The following SPRED2 variants were observed in gnomAD, a reference collection of about 807,000 sequenced individuals.
SPRED2 encodes the protein sprouty-related, EVH1 domain-containing protein 2.
A neutral mutation model predicts 43.0 loss-of-function variants in SPRED2; 47 were observed. The ratio of observed to expected loss-of-function variants is 1.09; its 90% CI spans 0.87 to 1.40. SPRED2 has a LOEUF of 1.40. Among genes scored for constraint, SPRED2 ranks in the 40% most tolerant of loss-of-function variants. The pLI, the probability that SPRED2 is intolerant of heterozygous loss-of-function variation, is 0.00. For missense variants in SPRED2, 561 were observed against 586.4 expected, an observed-to-expected ratio of 0.96 and a Z score of 0.45; for synonymous variants, 225 against 225.7, an observed-to-expected ratio of 1.00 and a Z score of 0.03.
At chr2:65,384,276 C>G in intron 1 of SPRED2, among the ~76,000 whole-genome samples, 1 of 152,042 alleles carries the variant, frequency 6.6e-6, no homozygotes, top group East Asian at 1.9e-4. Context: ...TCCAGTGCCC[C>G]TTTCTCCCAA....
chr2:65,366,044 A>ACAAT (rs1306017459), intron 1 of SPRED2, among the ~76,000 whole-genome samples: 22 of 151,904 alleles, frequency 1.4e-4, no homozygotes, highest in Non-Finnish European at 4.4e-5. Flanking sequence ...AAACAAACAA[A>ACAAT]CAAACAAACA....
chr2:65,313,639 C>T lies in SPRED2; in HGVS notation c.1119G>A (p.Lys373=), dbSNP rs1173484131. ...TAAGAGCCATCCACCGGAGGCAAAA[C>T]TTCTCGTCGCTAGTATCGCACGAGC... ...DPCSCDTSDE[K]FCLRWMALIA... Residue 373 remains lysine, a synonymous_variant, in exon 6 of 6, where the codon AAG becomes AAA. Transcript: ENST00000356388. 2 of 1,614,220 alleles carry T rather than the reference C, an allele frequency of 1.2e-6. No homozygotes were observed.
At chr2:65,427,789 T>C (rs1478446865) in intron 1 of SPRED2, among the ~76,000 whole-genome samples, 1 of 152,154 alleles carries the variant, frequency 6.6e-6, no homozygotes, top group African/African-American at 2.4e-5. Context: ...GAGCTCTGAG[T>C]CAGAACGACT....
chr2:65,375,118 C>T (rs1483025100), intron 1 of SPRED2, among the ~76,000 whole-genome samples: 2 of 152,214 alleles, frequency 1.3e-5, no homozygotes, highest in East Asian at 1.9e-4. Context: ...AGAACACATA[C>T]CCTGGAGTTG....
chr2:65,404,215 A>G (rs185804562), intron 1 of SPRED2, among the ~76,000 whole-genome samples: 2 of 147,316 alleles, frequency 1.4e-5, no homozygotes, highest in African/African-American at 2.5e-5. Flanking sequence ...CAAAAAAAAA[A>G]AAAGAAAGAA....
chr2:65,366,740 A>T, intron 1 of SPRED2: 1 of 1,481,920 alleles, frequency 6.7e-7, no homozygotes, highest in Non-Finnish European at 8.9e-7. Flanking sequence ...CCCATATATG[A>T]TTCAGTCTCC....
chr2:65,329,702 C>T (rs929647530), intron 4 of SPRED2, among the ~76,000 whole-genome samples: 8 of 152,168 alleles, frequency 5.3e-5, no homozygotes, highest in Non-Finnish European at 1.0e-4. Flanking sequence ...GAAGCAGCTG[C>T]GAATGACAGG....
chr2:65,399,231 T>C (rs1409447812), intron 1 of SPRED2, among the ~76,000 whole-genome samples: 3 of 148,260 alleles, frequency 2.0e-5, no homozygotes, highest in South Asian at 2.2e-4. Flanking sequence ...ATCACGCCAT[T>C]GCACTCCAGC....
chr2:65,400,609 A>G (rs957275868), intron 1 of SPRED2, among the ~76,000 whole-genome samples: 1 of 152,128 alleles, frequency 6.6e-6, no homozygotes, highest in Non-Finnish European at 1.5e-5. Flanking sequence ...TCAGGGCCTC[A>G]GTGTGTGGGC....
At chr2:65,327,855 C>A (rs1324197382) in intron 4 of SPRED2, among the ~76,000 whole-genome samples, 3 of 151,134 alleles carry the variant, frequency 2.0e-5, no homozygotes, top group Non-Finnish European at 4.4e-5. Flanking sequence ...TCCGGAGTAG[C>A]TGGGATTACA....
intron 4 of SPRED2, among the ~76,000 whole-genome samples, chr2:65,322,285 TATATA>T (rs1558649782): frequency 4.7e-5 from 5 of 106,914 alleles, no homozygotes; most frequent in East Asian, 3.1e-4. Flanking sequence ...TATATATATA[TATATA>T]TATATTTTTT....
At chr2:65,332,359 T>C in intron 3 of SPRED2, 1 of 243,622 alleles carries the variant, frequency 4.1e-6, no homozygotes, top group Non-Finnish European at 8.1e-6. Context: ...GGCTGCCCAC[T>C]CCTCTGAGGG....
At chr2:65,330,279 G>C (rs551831435) in intron 4 of SPRED2, among the ~76,000 whole-genome samples, 1 of 152,342 alleles carries the variant, frequency 6.6e-6, no homozygotes, top group South Asian at 2.1e-4. Flanking sequence ...TGGGAGACAA[G>C]TTTAATGGGT....
At chr2:65,425,326 T>C (rs1338954590) in intron 1 of SPRED2, among the ~76,000 whole-genome samples, 2 of 152,250 alleles carry the variant, frequency 1.3e-5, no homozygotes, top group African/African-American at 2.4e-5. Context: ...AAGTGTTAAA[T>C]GCTAAGGGTG....
intron 2 of SPRED2, among the ~76,000 whole-genome samples, chr2:65,339,715 A>T (rs7561064): frequency 0.27 from 30,348 of 112,830 alleles, 3,495 homozygotes; most frequent in African/African-American, 0.38. Flanking sequence ...AAAATAAAAT[A>T]AAATTAAAAA....
intron 1 of SPRED2, among the ~76,000 whole-genome samples, chr2:65,375,054 C>T (rs868470835): frequency 6.6e-6 from 1 of 152,314 alleles, no homozygotes; most frequent in East Asian, 1.9e-4. Flanking sequence ...AATTGAACAA[C>T]GCACACTCAG....
intron 4 of SPRED2, among the ~76,000 whole-genome samples, chr2:65,319,192 T>C (rs2104134255): frequency 6.6e-6 from 1 of 152,326 alleles, no homozygotes; most frequent in Middle Eastern, 3.4e-3. Flanking sequence ...CCAACCCTCC[T>C]GGATGTTTCT....
intron 2 of SPRED2, among the ~76,000 whole-genome samples, chr2:65,341,812 A>C (rs551246005): frequency 6.6e-6 from 1 of 152,298 alleles, no homozygotes; most frequent in African/African-American, 2.4e-5. Flanking sequence ...AATACCAGGA[A>C]AAAGTAGCTC....
chr2:65,340,694 A>G (rs1202237039), intron 2 of SPRED2, among the ~76,000 whole-genome samples: 1 of 152,224 alleles, frequency 6.6e-6, no homozygotes. Context: ...TTTCCCACAG[A>G]AACAATGGTA....
Sources: gnomAD v4.1 joint callset for allele counts (sites outside exome capture counted in the v4.1 genomes callset) on GRCh38, gnomAD v4.1.1 for gene constraint, MANE v1.5 for transcripts, NCBI Gene and HGNC (gene_info 2026-07-23, HGNC 2026-07-21) for gene names.